Variants in DLGAP1 observed in about 807,000 individuals in gnomAD.
DLGAP1 encodes DLG associated protein 1, also known as disks large-associated protein 1.
DLGAP1 carries 11 observed loss-of-function variants against 90.8 expected under a neutral mutation model. The ratio of observed to expected loss-of-function variants is 0.12; its 90% CI spans 0.08 to 0.20. DLGAP1 has a LOEUF of 0.20. Among genes scored for constraint, DLGAP1 ranks in the 10% least tolerant of loss-of-function variants. DLGAP1 has a pLI of 1.00. For missense variants in DLGAP1, 1,050 were observed against 1,333.8 expected (o/e 0.79, Z 3.31); for synonymous variants, 558 against 540.7 (o/e 1.03, Z -0.44).
At chr18:4,197,118 A>G (rs1210025164) in intron 1 of DLGAP1, among the ~76,000 whole-genome samples, 1 of 146,954 alleles carries the variant, frequency 6.8e-6, no homozygotes, top group African/African-American at 2.5e-5. Flanking sequence ...GGTTGCAGTG[A>G]GCTGAGATCG....
intron 1 of DLGAP1, among the ~76,000 whole-genome samples, chr18:4,403,940 C>A (rs1285902182): frequency 6.6e-6 from 1 of 152,272 alleles, no homozygotes; most frequent in African/African-American, 2.4e-5. Context: ...CTTTTTCCCA[C>A]TTGCTCAGAG....
intron 1 of DLGAP1, among the ~76,000 whole-genome samples, chr18:4,303,124 A>G (rs1000612765): frequency 2.0e-5 from 3 of 152,204 alleles, no homozygotes; most frequent in Non-Finnish European, 4.4e-5. Flanking sequence ...AGAGGCCACT[A>G]AAACAATTGT....
chr18:3,645,772 G>A (rs1475870972), intron 7 of DLGAP1, among the ~76,000 whole-genome samples: 4 of 152,182 alleles, frequency 2.6e-5, no homozygotes, highest in Admixed American at 2.6e-4. Context: ...GAAGAACCAT[G>A]TCTGGCTCAT....
chr18:3,596,713 A>G, intron 7 of DLGAP1: 1 of 430,910 alleles, frequency 2.3e-6, no homozygotes, highest in South Asian at 1.6e-5. Context: ...TGAAGGCGTG[A>G]ACAGGGATGA....
intron 1 of DLGAP1, among the ~76,000 whole-genome samples, chr18:4,361,069 C>T (rs2081620674): frequency 6.6e-6 from 1 of 152,020 alleles, no homozygotes; most frequent in South Asian, 2.1e-4. Flanking sequence ...AAGAAATCAA[C>T]AGAAATTATA....
At chr18:3,614,433 T>A (rs1012894502) in intron 7 of DLGAP1, among the ~76,000 whole-genome samples, 1 of 152,114 alleles carries the variant, frequency 6.6e-6, no homozygotes, top group Non-Finnish European at 1.5e-5. Flanking sequence ...TGATCTCTAA[T>A]CATAAATTGC....
At chr18:3,752,004 C>G (rs2063518735) in intron 5 of DLGAP1, among the ~76,000 whole-genome samples, 1 of 151,356 alleles carries the variant, frequency 6.6e-6, no homozygotes, top group Non-Finnish European at 1.5e-5. Context: ...CTACCTCAGC[C>G]TCCCAGGTAG....
At chr18:4,314,285 C>T (rs948712063) in intron 1 of DLGAP1, among the ~76,000 whole-genome samples, 2 of 152,146 alleles carry the variant, frequency 1.3e-5, no homozygotes, top group Non-Finnish European at 2.9e-5. Flanking sequence ...CTTCTTAATG[C>T]CCCATGATCT....
intron 1 of DLGAP1, among the ~76,000 whole-genome samples, chr18:4,370,624 C>G (rs985138214): frequency 6.6e-6 from 1 of 152,120 alleles, no homozygotes; most frequent in Non-Finnish European, 1.5e-5. Flanking sequence ...TTCTTCCCCT[C>G]CAGAGGGATG....
intron 1 of DLGAP1, among the ~76,000 whole-genome samples, chr18:4,257,760 G>C (rs1171556426): frequency 2.0e-5 from 3 of 151,616 alleles, no homozygotes; most frequent in Non-Finnish European, 2.9e-5. Context: ...GAGTAGCTGA[G>C]ACTATAGATG....
chr18:3,623,927 C>T (rs1429620386), intron 7 of DLGAP1, among the ~76,000 whole-genome samples: 9 of 152,162 alleles, frequency 5.9e-5, no homozygotes, highest in Admixed American at 5.2e-4. Flanking sequence ...TGCCTGCATT[C>T]ATCTGACCGG....
At chr18:3,523,724 G>A (rs118017073) in intron 10 of DLGAP1, among the ~76,000 whole-genome samples, 23,895 of 151,852 alleles carry the variant, frequency 0.16, 2,093 homozygotes, top group South Asian at 0.24. Flanking sequence ...GCGTGCGCCC[G>A]TAGTCCCAGC....
In DLGAP1 at chr18:4,306,462, T is replaced by TGTGAGA. The variant is rs1253812084; in HGVS notation, c.-267+148543_-267+148544insTCTCAC. ...GTGTGTGTGTGTGTGTGTGTGTGTG[T>TGTGAGA]GAGAGAGAGAGAGACAGACAGAGAA... On this transcript the variant is annotated intron_variant, in intron 1 of 12. Transcript: ENST00000315677. Among the ~76,000 whole-genome samples, 253 of 52,162 alleles carry TGTGAGA rather than the reference T, an allele frequency of 4.9e-3. 3 individuals carry two copies. The highest frequency in any genetic ancestry group is 0.013 in the African/African-American group (245 of 18,840). The allele number at this position is 52,162 out of a possible 152,430, so 34.2% of individuals were successfully genotyped here.
intron 10 of DLGAP1, among the ~76,000 whole-genome samples, chr18:3,531,273 C>T (rs1442073211): frequency 6.6e-6 from 1 of 151,798 alleles, no homozygotes; most frequent in African/African-American, 2.4e-5. Context: ...CCCGTCTCTA[C>T]TAAAAATACA....
chr18:3,805,682 A>G (rs1459096109), intron 5 of DLGAP1, among the ~76,000 whole-genome samples: 1 of 152,250 alleles, frequency 6.6e-6, no homozygotes, highest in Admixed American at 6.5e-5. Context: ...GCACATGATC[A>G]GACGATGGTG....
chr18:3,901,897 A>C (rs2071791739), intron 3 of DLGAP1, among the ~76,000 whole-genome samples: 1 of 152,300 alleles, frequency 6.6e-6, no homozygotes, highest in Non-Finnish European at 1.5e-5. Flanking sequence ...CAGTTGGCCA[A>C]CAGACCCCTA....
chr18:3,846,705 A>T (rs2069036479), intron 4 of DLGAP1, among the ~76,000 whole-genome samples: 1 of 152,220 alleles, frequency 6.6e-6, no homozygotes, highest in African/African-American at 2.4e-5. Context: ...AAAAGATCAC[A>T]TATTACAATA....
At position 3,496,765 on chromosome 18, in the gene DLGAP1, G is replaced by C. The variant is rs1270578542; in HGVS notation, c.*2420C>G. ...TCAGGGGTCAAGCAGCATTGTGTGG[G>C]GTCATGTTCTAACACCAATAATTAG... On this transcript the variant is annotated 3_prime_UTR_variant, in exon 13 of 13. Coordinates refer to ENST00000315677, the MANE Select transcript of DLGAP1 (RefSeq NM_004746.4). The C allele has an allele frequency of 6.6e-6, 1 of 152,106 alleles. No homozygotes were observed. Among genetic ancestry groups the C allele is most frequent in the Non-Finnish European group, 1.5e-5 (1 of 68,038 alleles). 9.4% of individuals were successfully genotyped at this position (152,106 alleles called of 1,614,324 possible). A position where few individuals can be genotyped will look rare whatever the true frequency, so the allele number is the denominator to read the frequency against.
chr18:4,390,677 G>T (rs9966179), intron 1 of DLGAP1, among the ~76,000 whole-genome samples: 6,437 of 152,134 alleles, frequency 0.042, 431 homozygotes, highest in African/African-American at 0.15. Context: ...TTTCCTTCAT[G>T]TCTTTTTGTG....
Sources: allele counts gnomAD v4.1 joint callset (sites outside exome capture counted in the v4.1 genomes callset), GRCh38; gene constraint gnomAD v4.1.1; transcripts MANE v1.5; gene names NCBI Gene and HGNC (gene_info 2026-07-23, HGNC 2026-07-21).